The following GRID2 variants were observed in gnomAD, a reference collection of about 807,000 sequenced individuals.
GRID2 encodes glutamate ionotropic receptor delta type subunit 2, also known as glutamate receptor ionotropic, delta-2.
A neutral mutation model predicts 114.8 loss-of-function variants in GRID2; 33 were observed. That is an observed-to-expected ratio of 0.29 (90% CI 0.22 to 0.38). GRID2 has a LOEUF of 0.38. GRID2 is among the 10% of genes least tolerant of loss of function. The pLI is 1.00. For missense variants in GRID2, 1,184 were observed against 1,257.7 expected, an observed-to-expected ratio of 0.94 and a Z score of 0.89; for synonymous variants, 505 against 449.9, an observed-to-expected ratio of 1.12 and a Z score of -1.55.
At chr4:93,637,045 C>T (rs1450996877) in intron 14 of GRID2, among the ~76,000 whole-genome samples, 4 of 152,098 alleles carry the variant, frequency 2.6e-5, no homozygotes, top group Admixed American at 2.6e-4. Context: ...CAGGAATATT[C>T]ATTAGGAAAT....
chr4:92,915,855 G>C (rs1488171320), intron 2 of GRID2, among the ~76,000 whole-genome samples: 1 of 152,110 alleles, frequency 6.6e-6, no homozygotes, highest in Non-Finnish European at 1.5e-5. Context: ...TTGGCCACAT[G>C]TATGTCTTCT....
At chr4:93,040,521 A>G (rs902475735) in intron 2 of GRID2, among the ~76,000 whole-genome samples, 4 of 152,092 alleles carry the variant, frequency 2.6e-5, no homozygotes, top group Non-Finnish European at 5.9e-5. Context: ...AATAATGTAA[A>G]GGGTATGTGG....
intron 8 of GRID2, among the ~76,000 whole-genome samples, chr4:93,361,262 A>C (rs1271042492): frequency 1.3e-5 from 2 of 152,072 alleles, no homozygotes; most frequent in Non-Finnish European, 2.9e-5. Context: ...AAAACTAGTA[A>C]GCAACTGAGC....
intron 2 of GRID2, among the ~76,000 whole-genome samples, chr4:93,009,226 T>C (rs1721867013): frequency 6.6e-6 from 1 of 152,058 alleles, no homozygotes; most frequent in South Asian, 2.1e-4. Context: ...GAGAAAACAA[T>C]ATACACATGG....
At chr4:92,643,449 A>G (rs1001663043) in intron 2 of GRID2, among the ~76,000 whole-genome samples, 1 of 151,798 alleles carries the variant, frequency 6.6e-6, no homozygotes, top group Non-Finnish European at 1.5e-5. Flanking sequence ...GACTCTGCCA[A>G]AAGGCTGCTG....
intron 2 of GRID2, among the ~76,000 whole-genome samples, chr4:92,689,073 T>C (rs1472590930): frequency 6.6e-6 from 1 of 152,188 alleles, no homozygotes; most frequent in Admixed American, 6.5e-5. Flanking sequence ...AATATTTTGT[T>C]GTATGAGCAC....
intron 14 of GRID2, among the ~76,000 whole-genome samples, chr4:93,629,236 T>A (rs1227660613): frequency 6.6e-6 from 1 of 152,220 alleles, no homozygotes; most frequent in Non-Finnish European, 1.5e-5. Flanking sequence ...AAAAGTATTA[T>A]TAAGCATTAA....
At chr4:93,557,248 C>A (rs1014773078) in intron 13 of GRID2, among the ~76,000 whole-genome samples, 1 of 152,158 alleles carries the variant, frequency 6.6e-6, no homozygotes, top group Non-Finnish European at 1.5e-5. Context: ...ACAATATTAA[C>A]CTTAAATGTA....
At chr4:93,341,911 T>C (rs1327109003) in intron 8 of GRID2, among the ~76,000 whole-genome samples, 1 of 152,178 alleles carries the variant, frequency 6.6e-6, no homozygotes, top group Non-Finnish European at 1.5e-5. Flanking sequence ...TTTGCAAAAA[T>C]TTTAAGTGTA....
At chr4:93,187,022 G>T (rs1336348895) in intron 4 of GRID2, among the ~76,000 whole-genome samples, 1 of 152,090 alleles carries the variant, frequency 6.6e-6, no homozygotes, top group Non-Finnish European at 1.5e-5. Flanking sequence ...TGGTGCAAGG[G>T]CAAAAGGTGA....
chr4:93,140,239 A>G (rs1299416526), intron 4 of GRID2, among the ~76,000 whole-genome samples: 1 of 149,486 alleles, frequency 6.7e-6, no homozygotes, highest in Non-Finnish European at 1.5e-5. Context: ...GCTCACTGCA[A>G]GCTACGCCTC....
At chr4:92,674,352 A>G (rs903765369) in intron 2 of GRID2, among the ~76,000 whole-genome samples, 13 of 151,984 alleles carry the variant, frequency 8.6e-5, no homozygotes, top group Non-Finnish European at 1.3e-4. Context: ...TCAGTTCAAT[A>G]GATTGGTCTG....
chr4:93,437,964 G>A (rs1580083519), intron 10 of GRID2, among the ~76,000 whole-genome samples: 2 of 152,044 alleles, frequency 1.3e-5, no homozygotes, highest in East Asian at 1.9e-4. Flanking sequence ...ACAATCTCAG[G>A]AAGAGAGAAC....
In GRID2 at chr4:93,085,639, C is replaced by T. The variant is rs192731588; in HGVS notation, c.529+360C>T. Among the ~76,000 whole-genome samples, 323 of 152,220 alleles carry T rather than the reference C, an allele frequency of 2.1e-3. 1 individual carries two copies. Among genetic ancestry groups the T allele is most frequent in the Non-Finnish European group, 3.6e-3 (245 of 67,992 alleles). Reference sequence around the variant, plus strand: ...AAAAAATGTATACCTCTCTATAATGCAGAAGATCATATTGGATAACCCTAG... The same window carrying T: ...AAAAAATGTATACCTCTCTATAATGTAGAAGATCATATTGGATAACCCTAG... On this transcript the variant is annotated intron_variant, in intron 3 of 15. Coordinates refer to ENST00000282020, the MANE Select transcript of GRID2 (RefSeq NM_001510.4).
chr4:92,344,054 G>T (rs1727644108), intron 1 of GRID2, among the ~76,000 whole-genome samples: 1 of 152,144 alleles, frequency 6.6e-6, no homozygotes, highest in Non-Finnish European at 1.5e-5. Flanking sequence ...CTCAGAGGTG[G>T]CAGAGGTATA....
chr4:93,189,495 C>G lies in GRID2; in HGVS notation c.736-17909C>G, dbSNP rs79177446. Among the ~76,000 whole-genome samples, 80 of 152,250 alleles carry G rather than the reference C, an allele frequency of 5.3e-4. No homozygotes were observed. In the East Asian group the frequency reaches 0.014, roughly 26 times the overall value. On this transcript the variant is annotated intron_variant, in intron 4 of 15. Coordinates refer to ENST00000282020, the MANE Select transcript of GRID2 (RefSeq NM_001510.4). Reference sequence around the variant, plus strand: ...TCTTCTAATACCAGCACCTTCATGACTAGGTTTCAACACAGGAATTTTGGA... The same window carrying G: ...TCTTCTAATACCAGCACCTTCATGAGTAGGTTTCAACACAGGAATTTTGGA...
intron 2 of GRID2, among the ~76,000 whole-genome samples, chr4:92,742,980 A>C (rs2149332866): frequency 6.6e-6 from 1 of 152,308 alleles, no homozygotes; most frequent in African/African-American, 2.4e-5. Flanking sequence ...TGTATTTAAT[A>C]ATCTAAAAAA....
At chr4:93,771,953 A>C (rs1425015440) in intron 15 of GRID2, 123 bp from the exon 16 acceptor site, 6 of 636,476 alleles carry the variant, frequency 9.4e-6, no homozygotes, top group Non-Finnish European at 1.7e-5. Context: ...TGCTCAATAA[A>C]TATTTGTTAA....
At chr4:92,452,427 C>T (rs1004007222) in intron 1 of GRID2, among the ~76,000 whole-genome samples, 6 of 151,778 alleles carry the variant, frequency 4.0e-5, no homozygotes, top group African/African-American at 9.7e-5. Context: ...AAGCAATTCT[C>T]CTGCCTCAGC....
Sources: gnomAD v4.1 joint callset for allele counts (sites outside exome capture counted in the v4.1 genomes callset) on GRCh38, gnomAD v4.1.1 for gene constraint, MANE v1.5 for transcripts, NCBI Gene and HGNC (gene_info 2026-07-23, HGNC 2026-07-21) for gene names.